Variants in ROBO1 observed in about 807,000 individuals in gnomAD.
ROBO1 encodes roundabout guidance receptor 1.
Under a neutral mutation model 195.9 loss-of-function variants are expected in ROBO1, and 149 were observed. The observed-to-expected ratio is 0.76, with a 90% CI of 0.67 to 0.87. The LOEUF is 0.87. Among genes scored for constraint, ROBO1 ranks in the 40% least tolerant of loss-of-function variants. The pLI, the probability that ROBO1 is intolerant of heterozygous loss-of-function variation, is 0.00. For missense variants in ROBO1, 1,933 were observed against 2,068.3 expected (o/e 0.93, Z 1.27); for synonymous variants, 816 against 733.2 (o/e 1.11, Z -1.82).
At chr3:79,739,160 T>G (rs1703517432) in intron 1 of ROBO1, among the ~76,000 whole-genome samples, 1 of 152,178 alleles carries the variant, frequency 6.6e-6, no homozygotes, top group Admixed American at 6.5e-5. Flanking sequence ...TGTAAGATTT[T>G]ACAAAAAGGA....
chr3:79,297,323 G>A (rs2032646623), intron 2 of ROBO1, among the ~76,000 whole-genome samples: 1 of 152,108 alleles, frequency 6.6e-6, no homozygotes, highest in Non-Finnish European at 1.5e-5. Flanking sequence ...CATCAAAAGA[G>A]CCTGTCACTA....
At chr3:79,160,866 C>A (rs1471301357) in intron 2 of ROBO1, among the ~76,000 whole-genome samples, 1 of 151,986 alleles carries the variant, frequency 6.6e-6, no homozygotes, top group South Asian at 2.1e-4. Context: ...CTCACCCCCC[C>A]AACCTCAAGT....
chr3:79,524,270 A>G (rs1228800308), intron 2 of ROBO1, among the ~76,000 whole-genome samples: 3 of 151,966 alleles, frequency 2.0e-5, no homozygotes, highest in Admixed American at 2.0e-4. Context: ...TTTGAACTGT[A>G]AACATCATAG....
At chr3:78,910,482 A>G (rs946476970) in intron 4 of ROBO1, among the ~76,000 whole-genome samples, 4 of 151,934 alleles carry the variant, frequency 2.6e-5, no homozygotes, top group Non-Finnish European at 5.9e-5. Flanking sequence ...AATCTGATTC[A>G]ACTCCTAGAA....
chr3:79,294,057 CAAAAAAAAAAAAAAA>C (rs71631641), intron 2 of ROBO1, among the ~76,000 whole-genome samples: 57 of 29,056 alleles, frequency 2.0e-3, no homozygotes, highest in African/African-American at 5.3e-3. Context: ...GACTCCATCT[CAAAAAAAAAAAAAAA>C]AAAAAAAAAA....
chr3:79,416,431 C>T (rs2038004012), intron 2 of ROBO1, among the ~76,000 whole-genome samples: 1 of 148,264 alleles, frequency 6.7e-6, no homozygotes, highest in African/African-American at 2.6e-5. Context: ...TAGTAAAACC[C>T]CATCTCTAAA....
At chr3:79,552,238 C>A (rs1416632968) in intron 2 of ROBO1, among the ~76,000 whole-genome samples, 1 of 151,920 alleles carries the variant, frequency 6.6e-6, no homozygotes, top group East Asian at 1.9e-4. Context: ...CATACTATAT[C>A]TCTTGAATAT....
chr3:79,064,656 G>C (rs1207615473), intron 3 of ROBO1, among the ~76,000 whole-genome samples: 1 of 151,806 alleles, frequency 6.6e-6, no homozygotes, highest in African/African-American at 2.4e-5. Context: ...CACCACTTCG[G>C]AGTAATCTAT....
rs372011184 is a variant in ROBO1, at chr3:79,414,310, TTATTA to T, written c.88+175509_88+175513del. ...TATACAGCTCATTGTGGGCTTTGCT[TTATTA>T]TATTTTCTTTATATTCCTAAATTCA... is the stretch of plus-strand genomic sequence containing the variant. On this transcript the variant is annotated intron_variant, in intron 2 of 30. Transcript: ENST00000464233. Among the ~76,000 whole-genome samples the T allele has an allele frequency of 1.1e-3, 167 of 152,102 alleles. 4 individuals carry two copies. The South Asian group carries it at 0.034, about 31-fold the overall frequency.
intron 1 of ROBO1, among the ~76,000 whole-genome samples, chr3:79,656,255 T>C (rs964512774): frequency 2.0e-5 from 3 of 151,808 alleles, no homozygotes; most frequent in African/African-American, 4.8e-5. Flanking sequence ...TTTTTTTAAA[T>C]TTAAACACAT....
chr3:79,370,340 A>G (rs2036145771), intron 2 of ROBO1, among the ~76,000 whole-genome samples: 1 of 151,628 alleles, frequency 6.6e-6, no homozygotes, highest in Non-Finnish European at 1.5e-5. Flanking sequence ...CCTGGGTGAC[A>G]GTGAGAACAT....
At chr3:79,363,935 A>C (rs1190288225) in intron 2 of ROBO1, among the ~76,000 whole-genome samples, 5 of 152,108 alleles carry the variant, frequency 3.3e-5, no homozygotes, top group Non-Finnish European at 5.9e-5. Flanking sequence ...TTAAAATATA[A>C]TAAAGGTGCC....
chr3:79,351,328 C>A (rs942158754), intron 2 of ROBO1, among the ~76,000 whole-genome samples: 9 of 152,128 alleles, frequency 5.9e-5, no homozygotes, highest in African/African-American at 1.7e-4. Flanking sequence ...GATAGCTCAA[C>A]TTCATGCTGA....
chr3:78,844,761 T>C (rs955975365), intron 4 of ROBO1, among the ~76,000 whole-genome samples: 1 of 152,130 alleles, frequency 6.6e-6, no homozygotes, highest in Non-Finnish European at 1.5e-5. Context: ...TTCAAGAAAG[T>C]ATACATTCTG....
At chr3:78,662,377 T>C (rs1242102812) in intron 14 of ROBO1, among the ~76,000 whole-genome samples, 1 of 152,014 alleles carries the variant, frequency 6.6e-6, no homozygotes, top group Non-Finnish European at 1.5e-5. Flanking sequence ...AAGACAACAA[T>C]GGCAAATAAC....
At chr3:79,575,843 T>G (rs1943468491) in intron 2 of ROBO1, among the ~76,000 whole-genome samples, 1 of 151,788 alleles carries the variant, frequency 6.6e-6, no homozygotes, top group Non-Finnish European at 1.5e-5. Context: ...TCACAGTGTT[T>G]ACAACAAGCA....
intron 2 of ROBO1, among the ~76,000 whole-genome samples, chr3:79,457,071 T>C (rs1241779727): frequency 6.6e-6 from 1 of 152,148 alleles, no homozygotes; most frequent in Non-Finnish European, 1.5e-5. Context: ...TCTCAAAGCA[T>C]AAACTCACAG....
intron 5 of ROBO1, among the ~76,000 whole-genome samples, chr3:78,742,445 G>C (rs1227522331): frequency 1.3e-5 from 2 of 151,710 alleles, no homozygotes; most frequent in East Asian, 3.9e-4. Flanking sequence ...CTAAGTTTTT[G>C]TTTTAATTAT....
At chr3:79,704,936 T>G (rs1947723756) in intron 1 of ROBO1, among the ~76,000 whole-genome samples, 1 of 152,060 alleles carries the variant, frequency 6.6e-6, no homozygotes, top group African/African-American at 2.4e-5. Context: ...TGATGACATA[T>G]GATATGGAGC....
Sources: gnomAD v4.1 joint callset for allele counts (sites outside exome capture counted in the v4.1 genomes callset) on GRCh38, gnomAD v4.1.1 for gene constraint, MANE v1.5 for transcripts, NCBI Gene and HGNC (gene_info 2026-07-23, HGNC 2026-07-21) for gene names.